The following ATP6V0A4 variants were observed in gnomAD, a reference collection of about 807,000 sequenced individuals.
The protein encoded by ATP6V0A4 is V-type proton ATPase 116 kDa subunit a 4.
ATP6V0A4 carries 86 observed loss-of-function variants against 107.3 expected under a neutral mutation model. That is an observed-to-expected ratio of 0.80 (90% CI 0.67 to 0.96). The LOEUF is 0.96. ATP6V0A4 is among the 40% of genes least tolerant of loss of function. The probability of loss-of-function intolerance (pLI) is 0.00; values close to 1 mark genes in which losing one functional copy is unlikely to be tolerated. For missense variants in ATP6V0A4, 908 were observed against 1,045.6 expected, an observed-to-expected ratio of 0.87 and a Z score of 1.81; for synonymous variants, 353 against 381.4, an observed-to-expected ratio of 0.93 and a Z score of 0.87.
chr7:138,797,301 T>C (rs950439295), intron 1 of ATP6V0A4, among the ~76,000 whole-genome samples: 1 of 142,926 alleles, frequency 7.0e-6, no homozygotes, highest in Non-Finnish European at 1.5e-5. Flanking sequence ...TACTGCAACC[T>C]CTGTCTTCCG....
rs201758230 is a variant in ATP6V0A4 at position 138,722,036 on chromosome 7, G to A, written c.2011-11C>T. 13 of 1,614,056 alleles carry A rather than the reference G, an allele frequency of 8.1e-6. No homozygotes were observed. The African/African-American group carries it at 1.6e-4, about 20-fold the overall frequency. ...CCTGGATGCCTGCAGCTGACAACAA[G>A]CAGGGAAATGAGGAATGCGCTCAAC... On this transcript the variant is annotated splice_polypyrimidine_tract_variant and intron_variant, in intron 18 of 21. Transcript: ENST00000310018.
In ATP6V0A4 at chr7:138,706,686, C is replaced by G; in HGVS notation, c.2461G>C (p.Asp821His). 1 of 1,613,858 alleles carries G rather than the reference C, an allele frequency of 6.2e-7. No homozygotes were observed. Among genetic ancestry groups the G allele is most frequent in the Non-Finnish European group, 8.5e-7 (1 of 1,179,914 alleles). ...GAGAATGGAGAAAACTTGTAACCATCCCCGACATAGAACTTGTTCTGGAAC... is the reference window on the plus strand; with the variant it reads ...GAGAATGGAGAAAACTTGTAACCATGCCCGACATAGAACTTGTTCTGGAAC... ...VEFQNKFYVGDGYKFSPFSFK... is the reference protein window; with the variant it reads ...VEFQNKFYVGHGYKFSPFSFK... The change falls in exon 22 of 22, where the codon GAT becomes CAT. Residue 821 changes from aspartate (D) to histidine (H), a missense_variant. Coordinates refer to ENST00000310018, the MANE Select transcript of ATP6V0A4 (RefSeq NM_020632.3).
At chr7:138,733,922 A>C (rs554161532) in intron 16 of ATP6V0A4, among the ~76,000 whole-genome samples, 2 of 152,190 alleles carry the variant, frequency 1.3e-5, no homozygotes, top group South Asian at 4.2e-4. Context: ...CCAGAGGAGC[A>C]CTTACCTTGG....
At chr7:138,780,928 T>A (rs948567774) in intron 2 of ATP6V0A4, among the ~76,000 whole-genome samples, 7 of 151,680 alleles carry the variant, frequency 4.6e-5, no homozygotes, top group South Asian at 2.1e-4. Flanking sequence ...AAAAAAAAAA[T>A]TAAAAAAAAG....
At chr7:138,709,903 A>G in intron 20 of ATP6V0A4, 108 bp from the exon 21 acceptor site, 1 of 1,278,584 alleles carries the variant, frequency 7.8e-7, no homozygotes, top group Non-Finnish European at 1.0e-6. Context: ...AAATAGAGAC[A>G]GGGTCTCACT....
At chr7:138,738,492 C>T (rs908906655) in intron 15 of ATP6V0A4, among the ~76,000 whole-genome samples, 29 of 152,316 alleles carry the variant, frequency 1.9e-4, no homozygotes, top group African/African-American at 6.7e-4. Flanking sequence ...GCTTACTAAA[C>T]ATGAAATTCC....
intron 2 of ATP6V0A4, among the ~76,000 whole-genome samples, chr7:138,781,577 AC>A (rs1195164875): frequency 1.3e-5 from 2 of 151,908 alleles, no homozygotes; most frequent in African/African-American, 4.8e-5. Flanking sequence ...TGATCCACCC[AC>A]CCTGGCCTCC....
chr7:138,735,461 C>A (rs1805266299), intron 15 of ATP6V0A4, among the ~76,000 whole-genome samples: 1 of 152,220 alleles, frequency 6.6e-6, no homozygotes, highest in African/African-American at 2.4e-5. Context: ...CCAGACACAA[C>A]CTCAGACACA....
intron 14 of ATP6V0A4, among the ~76,000 whole-genome samples, chr7:138,740,334 C>T (rs1249030445): frequency 7.2e-5 from 11 of 151,790 alleles, no homozygotes; most frequent in African/African-American, 2.7e-4. Flanking sequence ...TGCTATGAAA[C>T]TTAACTCTAA....
chr7:138,784,307 C>CACACATATATAT (rs1245004381), intron 2 of ATP6V0A4, among the ~76,000 whole-genome samples: 1 of 123,920 alleles, frequency 8.1e-6, no homozygotes, highest in African/African-American at 3.7e-5. Context: ...CACACACACA[C>CACACATATATAT]ATATATATAT....
chr7:138,768,810 G>A lies in ATP6V0A4; in HGVS notation c.261C>T (p.Thr87=), dbSNP rs368561674. ...GGGTAATCATTTCCCGTGGGAGCGG[G>A]GTCAGTGGGCTTTTCTCGAGCAACT... The part of the protein sequence containing the change: ...VVQLLEKSPL[T]PLPREMITLE... The change falls in exon 5 of 22, where the codon ACC becomes ACT. Residue 87 remains threonine, a synonymous_variant. Coordinates refer to ENST00000310018, the MANE Select transcript of ATP6V0A4 (RefSeq NM_020632.3). 31 of 1,613,990 alleles carry A rather than the reference G, an allele frequency of 1.9e-5. No individual in the cohort carries two copies. The highest frequency in any genetic ancestry group is 2.5e-5 in the Non-Finnish European group (29 of 1,180,040).
Position 138,734,174 on chromosome 7 carries a change from C to A in ATP6V0A4, c.1653G>T (p.Gln551His). Residue 551 changes from glutamine to histidine, a missense_variant, in exon 16 of 22, where the codon CAG becomes CAT. Physicochemically the swap from Gln to His is conservative, Grantham distance 24. Coordinates refer to ENST00000310018, the MANE Select transcript of ATP6V0A4 (RefSeq NM_020632.3). ...MKMSVILGIV[Q>H]MVFGVILSLF... Reference sequence around the variant, plus strand: ...GGCTGAGGATGACACCGAAAACCATCTGGACAATTCCCAGGATCACCGACA... The same window carrying A: ...GGCTGAGGATGACACCGAAAACCATATGGACAATTCCCAGGATCACCGACA... The A allele has an allele frequency of 6.2e-7, 1 of 1,613,792 alleles. No individual in the cohort carries two copies. Among genetic ancestry groups the A allele is most frequent in the Non-Finnish European group, 8.5e-7 (1 of 1,179,740 alleles).
intron 2 of ATP6V0A4, among the ~76,000 whole-genome samples, chr7:138,776,364 C>T (rs952005558): frequency 2.6e-5 from 4 of 152,298 alleles, no homozygotes; most frequent in East Asian, 1.9e-4. Context: ...TCTTGAGAGG[C>T]GGAGCTCAGC....
chr7:138,764,086 A>G (rs1218589152), intron 5 of ATP6V0A4, among the ~76,000 whole-genome samples: 2 of 151,336 alleles, frequency 1.3e-5, no homozygotes, highest in African/African-American at 4.8e-5. Flanking sequence ...AGAATAAACA[A>G]TATAGTTCCA....
intron 2 of ATP6V0A4, among the ~76,000 whole-genome samples, chr7:138,772,624 C>T (rs1291717791): frequency 6.6e-6 from 1 of 152,136 alleles, no homozygotes; most frequent in Non-Finnish European, 1.5e-5. Context: ...ATTAAAACAT[C>T]CACCATACTG....
At chr7:138,759,364 C>T (rs764187310) in intron 8 of ATP6V0A4, among the ~76,000 whole-genome samples, 1 of 152,040 alleles carries the variant, frequency 6.6e-6, no homozygotes, top group Non-Finnish European at 1.5e-5. Flanking sequence ...CTGGAATTTG[C>T]ATTTTAACAA....
chr7:138,740,145 GGGAAGGAAAA>G (rs1039435628), intron 14 of ATP6V0A4, among the ~76,000 whole-genome samples: 1 of 150,974 alleles, frequency 6.6e-6, no homozygotes, highest in Non-Finnish European at 1.5e-5. Flanking sequence ...GAAGGGGAAA[GGGAAGGAAAA>G]GGAAGGGAGA....
chr7:138,745,943 CAAA>C lies in ATP6V0A4; in HGVS notation c.1321-666_1321-664del, dbSNP rs1185253786. Among the ~76,000 whole-genome samples, 93 of 72,288 alleles carry C rather than the reference CAAA, an allele frequency of 1.3e-3. 1 individual carries two copies. The highest frequency in any genetic ancestry group is 9.6e-3 in the South Asian group (22 of 2,300). The allele number at this position is 72,288 out of a possible 152,430, so 47.4% of individuals were successfully genotyped here. A position where few individuals can be genotyped will look rare whatever the true frequency, so the allele number is the denominator to read the frequency against. Reference sequence around the variant, plus strand: ...TGGGTGACAGAGCAAGACTCTGTCTCAAAAAAAAAAAAAAAAAAAATATATATA... The same window carrying C: ...TGGGTGACAGAGCAAGACTCTGTCTCAAAAAAAAAAAAAAAAATATATATA... On this transcript the variant is annotated intron_variant, in intron 13 of 21. Transcript: ENST00000310018.
Position 138,756,467 on chromosome 7 carries a change from A to T in ATP6V0A4, c.713T>A (p.Ile238Asn), listed in dbSNP as rs1178659487. 6.2e-7 allele frequency: 1 copy of T among 1,612,768 alleles called. No individual in the cohort carries two copies. The highest frequency in any genetic ancestry group is 1.7e-5 in the Admixed American group (1 of 59,930). ...ATTCACTCCCTCTTACCCATCACAG[A>T]TCTTCTTGATTTTCTGCCTGAGCTG... Reference protein sequence around the residue: ...GEQLRQKIKKICDGFRATVYP... With the variant: ...GEQLRQKIKKNCDGFRATVYP... The change falls in exon 9 of 22, where the codon ATC (isoleucine) becomes AAC (asparagine). Residue 238 changes from isoleucine (I) to asparagine (N), a missense_variant. Physicochemically the swap from Ile to Asn is moderately radical, Grantham distance 149. Coordinates refer to ENST00000310018, the MANE Select transcript of ATP6V0A4 (RefSeq NM_020632.3).
Sources: gnomAD v4.1 joint callset for allele counts (sites outside exome capture counted in the v4.1 genomes callset) on GRCh38, gnomAD v4.1.1 for gene constraint, MANE v1.5 for transcripts, NCBI Gene and HGNC (gene_info 2026-07-23, HGNC 2026-07-21) for gene names.